The following ADGRL2 variants were observed in gnomAD, a reference collection of about 807,000 sequenced individuals.
The protein encoded by ADGRL2 is adhesion G protein-coupled receptor L2.
A neutral mutation model predicts 157.4 loss-of-function variants in ADGRL2; 44 were observed. The observed-to-expected ratio is 0.28, with a 90% confidence interval of 0.22 to 0.36. The LOEUF (loss-of-function observed/expected upper bound fraction) is 0.36, where lower values mean the gene tolerates loss of function less well. Among genes scored for constraint, ADGRL2 ranks in the 10% least tolerant of loss-of-function variants. The pLI, the probability that ADGRL2 is intolerant of heterozygous loss-of-function variation, is 1.00. For missense variants in ADGRL2, 1,510 were observed against 1,768.9 expected, an observed-to-expected ratio of 0.85 and a Z score of 2.63; for synonymous variants, 585 against 624.7, an observed-to-expected ratio of 0.94 and a Z score of 0.95.
intron 3 of ADGRL2, among the ~76,000 whole-genome samples, chr1:81,662,623 C>T (rs2082675448): frequency 6.6e-6 from 1 of 151,372 alleles, no homozygotes; most frequent in African/African-American, 2.4e-5. Flanking sequence ...GGCCCGATTT[C>T]GGCTCACTGC....
At chr1:81,327,314 C>A (rs1487333935) in intron 1 of ADGRL2, among the ~76,000 whole-genome samples, 2 of 152,012 alleles carry the variant, frequency 1.3e-5, no homozygotes, top group South Asian at 2.1e-4. Flanking sequence ...AGGAGATCTG[C>A]GGAAGCCTTT....
Position 81,654,249 on chromosome 1 carries a change from G to A in ADGRL2, c.-143+73269G>A, listed in dbSNP as rs549133525. Among the ~76,000 whole-genome samples, 21 of 152,162 alleles carry A rather than the reference G, an allele frequency of 1.4e-4. No individual in the cohort carries two copies. In the South Asian group the frequency reaches 1.9e-3, roughly 14 times the overall value. ...GCGTGAGCCACCACACCCAGCCTCCGCTTCTTTCTTGATGCCTTTGTTTCC... is the reference window on the plus strand; with the variant it reads ...GCGTGAGCCACCACACCCAGCCTCCACTTCTTTCTTGATGCCTTTGTTTCC... On this transcript the variant is annotated intron_variant, in intron 3 of 24. Transcript: ENST00000370721.
rs931316870 is a variant in ADGRL2 at position 81,504,769 on chromosome 1, A to G, written c.-248+59680A>G. 4.8e-4 allele frequency among the ~76,000 whole-genome samples: 73 copies of G among 152,280 alleles called. 1 individual carries two copies. The highest frequency in any genetic ancestry group is 4.1e-3 in the Admixed American group (62 of 15,300). On this transcript the variant is annotated intron_variant, in intron 2 of 24. Coordinates refer to the ADGRL2 transcript ENST00000370721. The stretch of plus-strand genomic sequence containing the variant: ...CCCACCCCCAGCTGACCAGGGAGGC[A>G]GAGGACACCTCCCCATCACTCAGCA...
intron 3 of ADGRL2, among the ~76,000 whole-genome samples, chr1:81,689,574 A>T (rs964171440): frequency 3.3e-5 from 5 of 152,366 alleles, no homozygotes; most frequent in Middle Eastern, 3.4e-3. Flanking sequence ...AAAGATTTTT[A>T]AAAATGACTG....
chr1:81,880,071 A>C (rs2093947741), intron 2 of ADGRL2, among the ~76,000 whole-genome samples: 1 of 152,166 alleles, frequency 6.6e-6, no homozygotes, highest in South Asian at 2.1e-4. Flanking sequence ...CTCAATAAAT[A>C]AGTTGTATTT....
chr1:81,347,417 G>A (rs1662561708), intron 1 of ADGRL2, among the ~76,000 whole-genome samples: 2 of 151,972 alleles, frequency 1.3e-5, no homozygotes, highest in South Asian at 2.1e-4. Flanking sequence ...AAAATTTCTG[G>A]TGAGGTCTTA....
At chr1:81,572,232 A>G (rs1291499821) in intron 2 of ADGRL2, among the ~76,000 whole-genome samples, 1 of 152,202 alleles carries the variant, frequency 6.6e-6, no homozygotes, top group African/African-American at 2.4e-5. Context: ...TTTGAGGCCA[A>G]GCATTATATT....
chr1:81,587,901 T>G (rs1006238893), intron 3 of ADGRL2, among the ~76,000 whole-genome samples: 1 of 152,178 alleles, frequency 6.6e-6, no homozygotes, highest in East Asian at 1.9e-4. Context: ...CAACCTTTCA[T>G]GTGCATACTA....
chr1:81,965,571 TAGATAG>T (rs1656806650), intron 11 of ADGRL2, among the ~76,000 whole-genome samples: 1 of 152,194 alleles, frequency 6.6e-6, no homozygotes, highest in East Asian at 1.9e-4. Context: ...AAGTGGATCA[TAGATAG>T]AAAGAGTTGT....
chr1:81,717,295 C>T (rs1165039375), intron 1 of ADGRL2, among the ~76,000 whole-genome samples: 2 of 152,192 alleles, frequency 1.3e-5, no homozygotes, highest in African/African-American at 4.8e-5. Flanking sequence ...CCAGCCTGGG[C>T]TTCTCTCCTT....
chr1:81,760,190 A>C (rs9324188), intron 1 of ADGRL2, among the ~76,000 whole-genome samples: 47,320 of 151,950 alleles, frequency 0.31, 8,510 homozygotes, highest in East Asian at 0.77. Flanking sequence ...AAATTGTTAG[A>C]GGTGTTATCA....
chr1:81,589,592 T>C (rs1024823291), intron 3 of ADGRL2, among the ~76,000 whole-genome samples: 12 of 152,298 alleles, frequency 7.9e-5, no homozygotes, highest in African/African-American at 2.6e-4. Flanking sequence ...CCATGATCCA[T>C]CTAATTTGTG....
At chr1:81,309,218 A>G (rs1346010406) in intron 1 of ADGRL2, among the ~76,000 whole-genome samples, 1 of 152,094 alleles carries the variant, frequency 6.6e-6, no homozygotes, top group Non-Finnish European at 1.5e-5. Flanking sequence ...ATTCTGTAAT[A>G]CCGTATATAT....
intron 2 of ADGRL2, among the ~76,000 whole-genome samples, chr1:81,545,991 T>A (rs575139457): frequency 2.8e-4 from 42 of 152,280 alleles, no homozygotes; most frequent in Non-Finnish European, 4.6e-4. Context: ...ATCAGCTGTT[T>A]ATCCTGCCAC....
At chr1:81,534,316 C>T (rs1220837810) in intron 2 of ADGRL2, among the ~76,000 whole-genome samples, 1 of 152,118 alleles carries the variant, frequency 6.6e-6, no homozygotes, top group East Asian at 1.9e-4. Context: ...CACGAGGCAC[C>T]TTGCCTGGCT....
intron 1 of ADGRL2, among the ~76,000 whole-genome samples, chr1:81,375,452 G>C (rs927026357): frequency 1.3e-5 from 2 of 152,178 alleles, no homozygotes; most frequent in Non-Finnish European, 2.9e-5. Context: ...TAAATAAGAA[G>C]AGGGATTTTA....
chr1:81,632,219 A>G (rs2082022959), intron 3 of ADGRL2, among the ~76,000 whole-genome samples: 1 of 152,222 alleles, frequency 6.6e-6, no homozygotes, highest in African/African-American at 2.4e-5. Context: ...AAGCAAACAC[A>G]TATTTAGACT....
At chr1:81,339,243 C>T (rs955231853) in intron 1 of ADGRL2, among the ~76,000 whole-genome samples, 1 of 152,106 alleles carries the variant, frequency 6.6e-6, no homozygotes. Context: ...ATTAGGACAT[C>T]GTCATAATTA....
At chr1:81,348,030 GCTACTTCCTC>G (rs2100812187) in intron 1 of ADGRL2, among the ~76,000 whole-genome samples, 1 of 152,316 alleles carries the variant, frequency 6.6e-6, no homozygotes, top group African/African-American at 2.4e-5. Context: ...AGAGGGCAAG[GCTACTTCCTC>G]CTTTGTTTCA....
Sources: allele counts gnomAD v4.1 joint callset (sites outside exome capture counted in the v4.1 genomes callset), GRCh38; gene constraint gnomAD v4.1.1; transcripts MANE v1.5; gene names NCBI Gene and HGNC (gene_info 2026-07-23, HGNC 2026-07-21).